The following AP5Z1 variants were observed in gnomAD, a reference collection of about 807,000 sequenced individuals.
AP5Z1 encodes the protein AP-5 complex subunit zeta-1.
AP5Z1 carries 106 observed loss-of-function variants against 83.0 expected under a neutral mutation model. The ratio of observed to expected loss-of-function variants is 1.28; its 90% CI spans 1.09 to 1.50. The LOEUF (loss-of-function observed/expected upper bound fraction) is 1.50, where lower values mean the gene tolerates loss of function less well. AP5Z1 is among the 40% of genes most tolerant of loss of function. The probability of loss-of-function intolerance (pLI) is 0.00; values close to 1 mark genes in which losing one functional copy is unlikely to be tolerated. For missense variants in AP5Z1, 1,565 were observed against 1,094.2 expected (o/e 1.43, Z -6.07); for synonymous variants, 751 against 514.1 (o/e 1.46, Z -6.23).
chr7:4,786,533 G>C (rs1583234739), intron 10 of AP5Z1, 105 bp downstream of exon 10: 3 of 1,323,056 alleles, frequency 2.3e-6, no homozygotes, highest in East Asian at 4.6e-5. Context: ...TGAGCATAGA[G>C]CCCTGTGAGT....
rs1781209447 is a variant in AP5Z1 at position 4,775,812 on chromosome 7, C to T, written c.41+56C>T. 2.5e-6 allele frequency: 4 copies of T among 1,585,526 alleles called. No individual in the cohort carries two copies. In the South Asian group the frequency reaches 3.4e-5, roughly 13 times the overall value. On this transcript the variant is annotated intron_variant, in intron 1 of 16. Transcript: ENST00000649063. Reference sequence around the variant, plus strand: ...TCCTGCATCTCTCCCTAGGGGCACACGGGGGTGGGTCTCACAGGGCAGGGG... The same window carrying T: ...TCCTGCATCTCTCCCTAGGGGCACATGGGGGTGGGTCTCACAGGGCAGGGG...
In AP5Z1 at chr7:4,788,958, T is replaced by C; in HGVS notation, c.1707+7T>C. ...CTTCTCAGCAGTGACCCAGGTGAGC[T>C]CGCTGCCTGGGGCCCCCCATTCCCA... On this transcript the variant is annotated splice_region_variant and intron_variant, in intron 13 of 16. Coordinates refer to ENST00000649063, the MANE Select transcript of AP5Z1 (RefSeq NM_014855.3). The C allele has an allele frequency of 6.2e-7, 1 of 1,608,146 alleles. No homozygotes were observed.
chr7:4,778,841 A>T (rs1347204653), intron 1 of AP5Z1, among the ~76,000 whole-genome samples: 2 of 144,978 alleles, frequency 1.4e-5, no homozygotes, highest in Admixed American at 7.1e-5. Flanking sequence ...CATTATATAT[A>T]ATATATAATG....
intron 10 of AP5Z1, 43 bp from the exon 11 acceptor site, chr7:4,787,591 C>T (rs775596348): frequency 3.3e-6 from 5 of 1,531,688 alleles, no homozygotes; most frequent in African/African-American, 2.7e-5. Flanking sequence ...CCGCCTGCTC[C>T]ACAGCTCCGA....
At chr7:4,789,667 G>A (rs1033351205) in intron 13 of AP5Z1, among the ~76,000 whole-genome samples, 165 bp from the exon 14 acceptor site, 2 of 152,220 alleles carry the variant, frequency 1.3e-5, no homozygotes, top group Admixed American at 6.5e-5. Context: ...CCCTGTGCCC[G>A]GATGCTGCCA....
In AP5Z1 at chr7:4,791,679, GTC is replaced by G. The variant is rs1781779832; in HGVS notation, c.*296_*297del. 2 of 494,790 alleles carry G rather than the reference GTC, an allele frequency of 4.0e-6. No homozygotes were observed. The highest frequency in any genetic ancestry group is 1.9e-5 in the African/African-American group (1 of 52,188). 30.6% of individuals were successfully genotyped at this position (494,790 alleles called of 1,614,324 possible). A position where few individuals can be genotyped will look rare whatever the true frequency, so the allele number is the denominator to read the frequency against. On this transcript the variant is annotated 3_prime_UTR_variant, in exon 17 of 17. Transcript: ENST00000649063. Reference sequence around the variant, plus strand: ...GGCTGGGTCGGGTGGAGGCTGCTGGGTCTGTTTCCTAGTCTTTTGTTTTTGGA... The same window carrying G: ...GGCTGGGTCGGGTGGAGGCTGCTGGGTGTTTCCTAGTCTTTTGTTTTTGGA...
At chr7:4,783,842 G>C in intron 5 of AP5Z1, 44 bp downstream of exon 5, 1 of 1,523,254 alleles carries the variant, frequency 6.6e-7, no homozygotes, top group South Asian at 1.2e-5. Flanking sequence ...CAGAGTCACA[G>C]ACAACCCCTC....
intron 16 of AP5Z1, 21 bp from the exon 17 acceptor site, chr7:4,791,094 G>C: frequency 6.4e-7 from 1 of 1,556,096 alleles, no homozygotes; most frequent in Non-Finnish European, 8.7e-7. Flanking sequence ...TGCAGCTGAC[G>C]GAGGGACCTT....
At chr7:4,779,819 T>G (rs1157919188) in intron 1 of AP5Z1, among the ~76,000 whole-genome samples, 1 of 151,944 alleles carries the variant, frequency 6.6e-6, no homozygotes, top group Non-Finnish European at 1.5e-5. Flanking sequence ...TTTTTTTGTA[T>G]TTTTAGTAGA....
At chr7:4,783,973 T>A (rs1781458150) in intron 5 of AP5Z1, among the ~76,000 whole-genome samples, 175 bp downstream of exon 5, 1 of 152,106 alleles carries the variant, frequency 6.6e-6, no homozygotes, top group South Asian at 2.1e-4. Flanking sequence ...CCCGTGTGGC[T>A]CTGGGGGTCT....
rs148507453 is a variant in AP5Z1 at position 4,790,100 on chromosome 7, TTC to T, written c.1805+177_1805+178del. 40 of 1,289,190 alleles carry T rather than the reference TTC, an allele frequency of 3.1e-5. 1 individual carries two copies. In the East Asian group the frequency reaches 8.2e-4, roughly 27 times the overall value. The allele number at this position is 1,289,190 out of a possible 1,614,324, so 79.9% of individuals were successfully genotyped here. ...CAGCCCCACACCCAGCCCCAGGCAC[TTC>T]TCTCTGCTTCTCAAGAACATTCCCG... On this transcript the variant is annotated intron_variant, in intron 14 of 16. Coordinates refer to ENST00000649063, the MANE Select transcript of AP5Z1 (RefSeq NM_014855.3).
rs1443064024 is a variant in AP5Z1, at chr7:4,781,600, C to T, written c.212C>T (p.Ala71Val). Residue 71 changes from alanine (A) to valine (V), a missense_variant, in exon 3 of 17, where the codon GCC becomes GTC. Transcript: ENST00000649063. Reference sequence around the variant, plus strand: ...AAGACATGCGTAGACCTGCTGCAGGCCACCCTCGGCCTGCCTGCATGCCCC... The same window carrying T: ...AAGACATGCGTAGACCTGCTGCAGGTCACCCTCGGCCTGCCTGCATGCCCC... ...LEKTCVDLLQ[A>V]TLGLPACPEQ... The T allele has an allele frequency of 1.9e-6, 3 of 1,609,560 alleles. No individual in the cohort carries two copies. Among genetic ancestry groups the T allele is most frequent in the Non-Finnish European group, 2.5e-6 (3 of 1,177,352 alleles).
intron 3 of AP5Z1, 66 bp downstream of exon 3, chr7:4,781,820 G>A: frequency 1.4e-6 from 2 of 1,451,396 alleles, no homozygotes; most frequent in Non-Finnish European, 9.1e-7. Flanking sequence ...GGGGAGACAG[G>A]AAGCAGGGGC....
rs747500101 is a variant in AP5Z1 at position 4,785,417 on chromosome 7, G to T, written c.934G>T (p.Ala312Ser). The change falls in exon 8 of 17, where the codon GCC (alanine) becomes TCC (serine). Residue 312 changes from alanine to serine, a missense_variant and splice_region_variant. Ala to Ser is a moderately conservative substitution (Grantham distance 99). Coordinates refer to ENST00000649063, the MANE Select transcript of AP5Z1 (RefSeq NM_014855.3). ...CTGACTTTTTCCCCTCCTTCCAGGAGCCCTGAGGAAGGGGGACTCCGACCT... is the reference window on the plus strand; with the variant it reads ...CTGACTTTTTCCCCTCCTTCCAGGATCCCTGAGGAAGGGGGACTCCGACCT... ...QRLIEQSNRR[A>S]LRKGDSDLQK... 2 of 1,613,232 alleles carry T rather than the reference G, an allele frequency of 1.2e-6. No homozygotes were observed. Among genetic ancestry groups the T allele is most frequent in the Middle Eastern group, 1.7e-4 (1 of 6,052 alleles).
chr7:4,783,176 C>A (rs932885728), intron 3 of AP5Z1, 140 bp from the exon 4 acceptor site: 7 of 1,319,642 alleles, frequency 5.3e-6, no homozygotes, highest in Non-Finnish European at 7.1e-6. Flanking sequence ...TGGGCCTGCG[C>A]GGGACATCCT....
rs765110748 is a variant in AP5Z1 at position 4,786,311 on chromosome 7, G to T, written c.1194G>T (p.Val398=). The T allele has an allele frequency of 1.9e-6, 3 of 1,613,808 alleles. No individual in the cohort carries two copies. Among genetic ancestry groups the T allele is most frequent in the Non-Finnish European group, 2.5e-6 (3 of 1,179,808 alleles). Residue 398 remains valine, a synonymous_variant, in exon 10 of 17, where the codon GTG becomes GTT. Coordinates refer to ENST00000649063, the MANE Select transcript of AP5Z1 (RefSeq NM_014855.3). The part of the protein sequence containing the change: ...VYQHLFTRIP[V]EQFHSPMLAF... ...AGCACCTGTTCACCAGGATCCCGGT[G>T]GAGCAGTTCCACAGCCCCATGCTGG...
Position 4,791,874 on chromosome 7 carries a change from A to ACTG in AP5Z1, c.*495_*497dup, listed in dbSNP as rs1781788099. Reference sequence around the variant, plus strand: ...TCCTGGAGGCTCAGCCCGGCGTGCCACTGCTGCTACAGAAACCAGGTCATT... The same window carrying ACTG: ...TCCTGGAGGCTCAGCCCGGCGTGCCACTGCTGCTGCTACAGAAACCAGGTCATT... On this transcript the variant is annotated 3_prime_UTR_variant, in exon 17 of 17. Transcript: ENST00000649063. 6.3e-6 allele frequency: 1 copy of ACTG among 159,000 alleles called. No homozygotes were observed. The highest frequency in any genetic ancestry group is 1.4e-5 in the Non-Finnish European group (1 of 72,602). The allele number at this position is 159,000 out of a possible 1,614,324, so 9.8% of individuals were successfully genotyped here. A position where few individuals can be genotyped will look rare whatever the true frequency, so the allele number is the denominator to read the frequency against.
Position 4,793,535 on chromosome 7 carries a change from G to GGCGCGGTGGGAACCAGGGCTGC in AP5Z1, c.*2151_*2172dup, listed in dbSNP as rs1781855768. 1 of 152,684 alleles carries GGCGCGGTGGGAACCAGGGCTGC rather than the reference G, an allele frequency of 6.5e-6. No individual in the cohort carries two copies. Among genetic ancestry groups the GGCGCGGTGGGAACCAGGGCTGC allele is most frequent in the Admixed American group, 6.5e-5 (1 of 15,296 alleles). 9.5% of individuals were successfully genotyped at this position (152,684 alleles called of 1,614,324 possible). On this transcript the variant is annotated 3_prime_UTR_variant, in exon 17 of 17. Coordinates refer to ENST00000649063, the MANE Select transcript of AP5Z1 (RefSeq NM_014855.3). ...GCTTGCGGGGAGGTGTGGAGGGAGA[G>GGCGCGGTGGGAACCAGGGCTGC]GCGCGGTGGGAACCAGGGCTGCACG...
chr7:4,781,763 G>A lies in AP5Z1; in HGVS notation c.366+9G>A, dbSNP rs374673755. 3.3e-5 allele frequency: 51 copies of A among 1,545,774 alleles called. No homozygotes were observed. Among genetic ancestry groups the A allele is most frequent in the Admixed American group, 1.1e-4 (6 of 55,620 alleles). ...CCGTTCTCTTGGCCCAGGTAGCGCA[G>A]CAGTCACCACCCCAGTTGGCACCGG... On this transcript the variant is annotated intron_variant, in intron 3 of 16. Coordinates refer to ENST00000649063, the MANE Select transcript of AP5Z1 (RefSeq NM_014855.3).
Sources: gnomAD v4.1 joint callset for allele counts (sites outside exome capture counted in the v4.1 genomes callset) on GRCh38, gnomAD v4.1.1 for gene constraint, MANE v1.5 for transcripts, NCBI Gene and HGNC (gene_info 2026-07-23, HGNC 2026-07-21) for gene names.